Variants in PML observed in about 807,000 individuals in gnomAD.
PML encodes the protein protein PML.
In PML, 28 loss-of-function variants were observed where a neutral mutation model predicts 65.2. That is an observed-to-expected ratio of 0.43 (90% CI 0.32 to 0.59). The LOEUF (loss-of-function observed/expected upper bound fraction) is 0.59. PML is among the 20% of genes least tolerant of loss of function. The pLI, the probability that PML is intolerant of heterozygous loss-of-function variation, is 0.08. For missense variants in PML, 1,021 were observed against 1,203.4 expected (o/e 0.85, Z 2.24); for synonymous variants, 500 against 508.8 (o/e 0.98, Z 0.23).
At position 74,035,849 on chromosome 15, in the gene PML, C is replaced by T. The variant is rs769695419; in HGVS notation, c.1710+1319C>T. 9.3e-6 allele frequency: 15 copies of T among 1,613,750 alleles called. No individual in the cohort carries two copies. Among genetic ancestry groups the T allele is most frequent in the Non-Finnish European group, 1.1e-5 (13 of 1,179,964 alleles). On this transcript the variant is annotated intron_variant, in intron 7 of 8. Transcript: ENST00000268058. The surrounding 1 kb of genome is among the most constrained non-coding windows in gnomAD (Gnocchi z 4.1). Reference sequence around the variant, plus strand: ...GAGGCTCCATGGAGGCCTCTCAAGTCCAAGTGCCTCTGGAAGCCTCTCCAA... The same window carrying T: ...GAGGCTCCATGGAGGCCTCTCAAGTTCAAGTGCCTCTGGAAGCCTCTCCAA...
At chr15:74,000,092 A>T (rs531613768) in intron 2 of PML, among the ~76,000 whole-genome samples, 1 of 152,010 alleles carries the variant, frequency 6.6e-6, no homozygotes, top group Non-Finnish European at 1.5e-5. Flanking sequence ...CGGCCTCCCA[A>T]AGTTCTGGGA....
At position 73,994,801 on chromosome 15, in the gene PML, A is replaced by G; in HGVS notation, c.-12A>G. ...AAGATCTAAACCGAGAATCGAAACTAAGCTGGGGTCCATGGAGCCTGCACC... is the reference window on the plus strand; with the variant it reads ...AAGATCTAAACCGAGAATCGAAACTGAGCTGGGGTCCATGGAGCCTGCACC... On this transcript the variant is annotated 5_prime_UTR_variant, in exon 1 of 9. Transcript: ENST00000268058. 1.9e-6 allele frequency: 3 copies of G among 1,552,094 alleles called. No homozygotes were observed. The highest frequency in any genetic ancestry group is 2.6e-6 in the Non-Finnish European group (3 of 1,147,596).
At chr15:74,003,842 C>T (rs540359003) in intron 2 of PML, among the ~76,000 whole-genome samples, 2 of 152,298 alleles carry the variant, frequency 1.3e-5, no homozygotes, top group East Asian at 3.9e-4. Flanking sequence ...AATACTCCAT[C>T]AAGTAATTAA....
At position 74,032,705 on chromosome 15, in the gene PML, C is replaced by T. The variant is rs1436188555; in HGVS notation, c.1388C>T (p.Ser463Phe). 2.5e-6 allele frequency: 4 copies of T among 1,614,072 alleles called. No individual in the cohort carries two copies. The highest frequency in any genetic ancestry group is 3.4e-6 in the Non-Finnish European group (4 of 1,180,000). ...PVYAFSIKGP[S>F]YGEDVSNTTT... is the part of the protein sequence containing the mutation. ...TACGCCTTCTCCATCAAAGGCCCTT[C>T]CTATGGAGAGGTAAGGTTCTCCCCA... Residue 463 changes from serine to phenylalanine, a missense_variant, in exon 5 of 9, where the codon TCC (serine) becomes TTC (phenylalanine). Coordinates refer to ENST00000268058, the MANE Select transcript of PML (RefSeq NM_033238.3).
At chr15:74,004,280 A>T (rs2069927326) in intron 2 of PML, among the ~76,000 whole-genome samples, 1 of 151,292 alleles carries the variant, frequency 6.6e-6, no homozygotes, top group Admixed American at 6.6e-5. Context: ...TGGCTAATAA[A>T]TATAGTTGGA....
intron 5 of PML, 37 bp downstream of exon 5, chr15:74,032,752 G>A: frequency 6.2e-7 from 1 of 1,611,554 alleles, no homozygotes; most frequent in Non-Finnish European, 8.5e-7. Context: ...CCCTCCTGAA[G>A]GCCTGAGTTC....
At chr15:74,006,935 C>T (rs539967921) in intron 2 of PML, among the ~76,000 whole-genome samples, 6 of 152,330 alleles carry the variant, frequency 3.9e-5, no homozygotes, top group Admixed American at 1.3e-4. Context: ...CTCTTTACCA[C>T]GGGATGGCCC....
intron 7 of PML, 82 bp downstream of exon 7, chr15:74,034,612 C>T (rs2071464285): frequency 6.2e-7 from 1 of 1,614,100 alleles, no homozygotes; most frequent in African/African-American, 1.3e-5. Context: ...GCAGGTGACT[C>T]TCAGACTTGC....
chr15:73,994,963 A>T, intron 1 of PML, 22 bp downstream of exon 1: 1 of 1,517,408 alleles, frequency 6.6e-7, no homozygotes, highest in Non-Finnish European at 8.9e-7. Flanking sequence ...TTAGGGGATG[A>T]TGGGGTTAAG....
intron 2 of PML, among the ~76,000 whole-genome samples, chr15:73,999,403 A>G (rs1205539193): frequency 6.6e-6 from 1 of 152,156 alleles, no homozygotes; most frequent in Non-Finnish European, 1.5e-5. Flanking sequence ...TAAACCACAT[A>G]TTTGCTGAAC....
chr15:74,004,991 C>T (rs8039276), intron 2 of PML, among the ~76,000 whole-genome samples: 77,667 of 151,538 alleles, frequency 0.51, 20,441 homozygotes, highest in Non-Finnish European at 0.58. Flanking sequence ...GGATTATAGG[C>T]GTGAGCCACT....
intron 2 of PML, among the ~76,000 whole-genome samples, chr15:74,014,693 CA>C (rs1219590225): frequency 6.6e-6 from 1 of 151,236 alleles, no homozygotes; most frequent in Non-Finnish European, 1.5e-5. Context: ...ACCTGGAAGG[CA>C]GAGGTTGCAG....
chr15:74,007,319 T>G (rs1038209433), intron 2 of PML, among the ~76,000 whole-genome samples: 2 of 152,194 alleles, frequency 1.3e-5, no homozygotes, highest in African/African-American at 4.8e-5. Flanking sequence ...AGTGGCATAT[T>G]TTGGAGTGGC....
intron 2 of PML, among the ~76,000 whole-genome samples, chr15:74,005,722 G>A (rs1048630808): frequency 6.6e-6 from 1 of 152,144 alleles, no homozygotes; most frequent in Non-Finnish European, 1.5e-5. Flanking sequence ...TTACAGAGGT[G>A]TATGTTTCCT....
Position 74,034,768 on chromosome 15 carries a change from TCCAGAGC to T in PML, c.1710+241_1710+247del, listed in dbSNP as rs570519460. The T allele has an allele frequency of 5.7e-5, 83 of 1,454,394 alleles. No individual in the cohort carries two copies. In the African/African-American group the frequency reaches 1.1e-3, roughly 19 times the overall value. The allele number at this position is 1,454,394 out of a possible 1,614,324, so 90.1% of individuals were successfully genotyped here. ...TCTTCTGAAATGCTGATAGCATGTG[TCCAGAGC>T]CCTGTCTCTTTTCTGGAATGTCCAA... On this transcript the variant is annotated intron_variant, in intron 7 of 8. Transcript: ENST00000268058.
At position 74,034,539 on chromosome 15, in the gene PML, C is replaced by G; in HGVS notation, c.1710+9C>G. ...CAGATGCCGAAAACTCGGTGAGTGG[C>G]CCAGAAGTTCAGCCCAGGACTCCTG... On this transcript the variant is annotated intron_variant, in intron 7 of 8. Transcript: ENST00000268058. 6.2e-7 allele frequency: 1 copy of G among 1,614,174 alleles called. No individual in the cohort carries two copies. The highest frequency in any genetic ancestry group is 1.1e-5 in the South Asian group (1 of 91,076).
chr15:74,021,876 C>T (rs2070850396), intron 2 of PML, among the ~76,000 whole-genome samples: 1 of 152,256 alleles, frequency 6.6e-6, no homozygotes, highest in South Asian at 2.1e-4. Flanking sequence ...TACATCTGAT[C>T]TGTGCCTATG....
chr15:74,031,755 A>G (rs531792669), intron 4 of PML, among the ~76,000 whole-genome samples: 1 of 152,334 alleles, frequency 6.6e-6, no homozygotes, highest in East Asian at 1.9e-4. Context: ...TCATTTTGAG[A>G]TAGGTACATG....
At chr15:74,036,365 G>T (rs1393262983) in intron 7 of PML, 1 of 1,394,014 alleles carries the variant, frequency 7.2e-7, no homozygotes, top group Non-Finnish European at 9.3e-7. Flanking sequence ...GGCAGATGTG[G>T]CTGCTCAATA....
Sources: allele counts gnomAD v4.1 joint callset (sites outside exome capture counted in the v4.1 genomes callset), GRCh38; gene constraint gnomAD v4.1.1; non-coding constraint Gnocchi (gnomAD v3.1); transcripts MANE v1.5; gene names NCBI Gene and HGNC (gene_info 2026-07-23, HGNC 2026-07-21).